The following SLC1A6 variants were observed in gnomAD, a reference collection of about 807,000 sequenced individuals.
The protein encoded by SLC1A6 is excitatory amino acid transporter 4.
Under a neutral mutation model 42.1 loss-of-function variants are expected in SLC1A6, and 15 were observed. That is an observed-to-expected ratio of 0.36 (90% CI 0.24 to 0.55). The LOEUF (loss-of-function observed/expected upper bound fraction) is 0.55, where lower values mean the gene tolerates loss of function less well. SLC1A6 is among the 20% of genes least tolerant of loss of function. The pLI, the probability that SLC1A6 is intolerant of heterozygous loss-of-function variation, is 0.88. For synonymous variants in SLC1A6, 317 were observed against 319.7 expected (o/e 0.99, Z 0.09); for missense variants, 542 against 772.5 (o/e 0.70, Z 3.54).
intron 1 of SLC1A6, among the ~76,000 whole-genome samples, chr19:14,997,622 C>T (rs780906721): frequency 2.0e-5 from 3 of 152,114 alleles, no homozygotes; most frequent in Admixed American, 6.6e-5. Flanking sequence ...GATGCTTCCC[C>T]GGTGCACCTA....
intron 9 of SLC1A6, among the ~76,000 whole-genome samples, chr19:14,952,218 T>C (rs1311582227): frequency 1.3e-5 from 2 of 150,814 alleles, no homozygotes; most frequent in Non-Finnish European, 2.9e-5. Context: ...AGCAAGAGGA[T>C]TGCTTAAGCT....
chr19:14,953,070 G>A lies in SLC1A6; in HGVS notation c.1365-8C>T, dbSNP rs1406361077. 1.9e-6 allele frequency: 3 copies of A among 1,611,402 alleles called. No homozygotes were observed. The highest frequency in any genetic ancestry group is 3.3e-5 in the Admixed American group (2 of 59,824). On this transcript the variant is annotated splice_polypyrimidine_tract_variant and splice_region_variant and intron_variant, in intron 8 of 9. Transcript: ENST00000594383. ...GCTGCTGTGGCCGTGATGCTGCAGG[G>A]GGAGGGAGAACATGGGGAGCAGATG...
intron 1 of SLC1A6, among the ~76,000 whole-genome samples, chr19:14,985,909 G>A (rs540578985): frequency 1.6e-3 from 248 of 151,572 alleles, no homozygotes; most frequent in Non-Finnish European, 2.4e-3. Context: ...AGTGAGCCGA[G>A]ATCACACCAC....
intron 1 of SLC1A6, among the ~76,000 whole-genome samples, chr19:14,986,400 T>C (rs1248126005): frequency 6.6e-6 from 1 of 151,500 alleles, no homozygotes; most frequent in Non-Finnish European, 1.5e-5. Flanking sequence ...GGGGTGCCTG[T>C]AATCTCAGCT....
At chr19:14,985,991 C>T (rs1003993869) in intron 1 of SLC1A6, among the ~76,000 whole-genome samples, 1 of 151,986 alleles carries the variant, frequency 6.6e-6, no homozygotes, top group Non-Finnish European at 1.5e-5. Context: ...GACACACACA[C>T]AGACTAATAC....
intron 6 of SLC1A6, among the ~76,000 whole-genome samples, chr19:14,958,118 T>C (rs2145172813): frequency 6.6e-6 from 1 of 152,200 alleles, no homozygotes; most frequent in Non-Finnish European, 1.5e-5. Flanking sequence ...TCTTTAGAAA[T>C]TGAAGTTTAT....
At position 14,956,598 on chromosome 19, in the gene SLC1A6, G is replaced by A; in HGVS notation, c.1047C>T (p.Gly349=). ...GGACAATGCCGGCATGGAGGAACAG[G>A]CCCACGATGACGGTCAGGGTGTACA... ...LGMYTLTVIV[G]LFLHAGIVLP... is the part of the protein sequence containing the mutation. Residue 349 remains glycine, a synonymous_variant, in exon 7 of 10, where the codon GGC becomes GGT. Coordinates refer to ENST00000594383, the MANE Select transcript of SLC1A6 (RefSeq NM_005071.3). 1.2e-6 allele frequency: 2 copies of A among 1,613,846 alleles called. No homozygotes were observed. The highest frequency in any genetic ancestry group is 8.5e-7 in the Non-Finnish European group (1 of 1,179,880).
At chr19:14,961,889 C>T (rs2045515379) in intron 6 of SLC1A6, 113 bp downstream of exon 6, 10 of 1,468,870 alleles carry the variant, frequency 6.8e-6, no homozygotes, top group Non-Finnish European at 7.2e-6. Context: ...AAGTGAATCA[C>T]CCAATACGTA....
chr19:14,963,431 C>T (rs2045537801), intron 5 of SLC1A6, among the ~76,000 whole-genome samples: 1 of 152,110 alleles, frequency 6.6e-6, no homozygotes, highest in South Asian at 2.1e-4. Context: ...ATTTGAAAAT[C>T]ACCAGAAGGG....
intron 1 of SLC1A6, among the ~76,000 whole-genome samples, chr19:15,001,135 T>C (rs2045870357): frequency 6.6e-6 from 1 of 151,248 alleles, no homozygotes; most frequent in Admixed American, 6.6e-5. Context: ...CGAACAAATA[T>C]TAAGGGTCTA....
chr19:14,971,910 T>C (rs781469009), intron 2 of SLC1A6, 36 bp from the exon 3 acceptor site: 1 of 1,611,256 alleles, frequency 6.2e-7, no homozygotes, highest in South Asian at 1.1e-5. Context: ...GACTGAAGTC[T>C]GGGTCGCTCA....
intron 1 of SLC1A6, among the ~76,000 whole-genome samples, chr19:14,987,538 G>A (rs1403084080): frequency 6.7e-6 from 1 of 149,856 alleles, no homozygotes; most frequent in Non-Finnish European, 1.5e-5. Context: ...AGGGTGAGGA[G>A]AGAGTCACAG....
At chr19:14,973,149 C>A in intron 1 of SLC1A6, 1 of 528,916 alleles carries the variant, frequency 1.9e-6, no homozygotes, top group Non-Finnish European at 3.3e-6. Flanking sequence ...GGTGGTAGTC[C>A]TAAATATTTG....
intron 1 of SLC1A6, among the ~76,000 whole-genome samples, chr19:15,009,266 CTATATAT>C (rs2045912925): frequency 1.4e-5 from 1 of 73,526 alleles, no homozygotes; most frequent in African/African-American, 6.6e-5. Flanking sequence ...ACATAGATAT[CTATATAT>C]CTATAAATAT....
rs1252607153 is a variant in SLC1A6 at position 14,968,425 on chromosome 19, C to T, written c.426G>A (p.Ala142=). ...TGACCATGAGGATGCCGATGAAGAC[C>T]GCGATGATGGTGGTCACCATGTAGT... ...AVYYMVTTII[A]VFIGILMVTI... Residue 142 remains alanine (A), a synonymous_variant, in exon 4 of 10, where the codon GCG becomes GCA. Transcript: ENST00000594383. 11 of 1,613,722 alleles carry T rather than the reference C, an allele frequency of 6.8e-6. No individual in the cohort carries two copies. Among genetic ancestry groups the T allele is most frequent in the African/African-American group, 4.0e-5 (3 of 74,994 alleles).
In SLC1A6 at chr19:14,964,334, C is replaced by T. The variant is rs1245735169; in HGVS notation, c.576G>A (p.Glu192=). ...TCCCCCTGACCTGTTTGAAGCAGGC[C>T]TCCACAAGGTTTGGTGGAAACATAT... ...IRNMFPPNLV[E]ACFKQFKTQY... Residue 192 remains glutamate (E), a synonymous_variant, in exon 5 of 10, where the codon GAG becomes GAA. Transcript: ENST00000594383. 5 of 1,613,854 alleles carry T rather than the reference C, an allele frequency of 3.1e-6. No homozygotes were observed. The African/African-American group carries it at 5.3e-5, about 17-fold the overall frequency.
intron 4 of SLC1A6, among the ~76,000 whole-genome samples, chr19:14,967,003 C>T (rs1300625082): frequency 3.3e-5 from 5 of 152,098 alleles, no homozygotes; most frequent in African/African-American, 1.2e-4. Flanking sequence ...ATGTAAGAAA[C>T]CTGCACGTTC....
At chr19:14,981,892 G>A (rs1259628718), upstream of SLC1A6, among the ~76,000 whole-genome samples, 5 of 152,074 alleles carry the variant, frequency 3.3e-5, no homozygotes, top group Admixed American at 2.0e-4. Flanking sequence ...GCAGGGTTTG[G>A]TGGCAGGTGC....
At chr19:14,956,366 C>A (rs1052611206) in intron 7 of SLC1A6, 110 bp downstream of exon 7, 2 of 656,712 alleles carry the variant, frequency 3.0e-6, no homozygotes, top group African/African-American at 1.8e-5. Flanking sequence ...CATTGTTGGA[C>A]GACTCAGAAG....
Sources: allele counts gnomAD v4.1 joint callset (sites outside exome capture counted in the v4.1 genomes callset), GRCh38; gene constraint gnomAD v4.1.1; transcripts MANE v1.5; gene names NCBI Gene and HGNC (gene_info 2026-07-23, HGNC 2026-07-21).